The following SRRM4 variants were observed in gnomAD, a reference collection of about 807,000 sequenced individuals.
SRRM4 encodes serine/arginine repetitive matrix protein 4.
A neutral mutation model predicts 68.9 loss-of-function variants in SRRM4; 33 were observed. The observed-to-expected ratio is 0.48, with a 90% confidence interval of 0.36 to 0.64. The LOEUF (loss-of-function observed/expected upper bound fraction) is 0.64. Among genes scored for constraint, SRRM4 ranks in the 30% least tolerant of loss-of-function variants. The probability of loss-of-function intolerance (pLI) is 0.00; values close to 1 mark genes in which losing one functional copy is unlikely to be tolerated. For synonymous variants in SRRM4, 318 were observed against 318.8 expected, an observed-to-expected ratio of 1.00 and a Z score of 0.03; for missense variants, 817 against 827.1, an observed-to-expected ratio of 0.99 and a Z score of 0.15.
At chr12:119,111,487 G>A (rs1325292411) in intron 2 of SRRM4, among the ~76,000 whole-genome samples, 1 of 152,136 alleles carries the variant, frequency 6.6e-6, no homozygotes, top group African/African-American at 2.4e-5. Context: ...GGGACCCTGG[G>A]ATTCCAGAAG....
intron 1 of SRRM4, among the ~76,000 whole-genome samples, chr12:119,070,469 T>G (rs959053063): frequency 3.3e-5 from 5 of 152,122 alleles, no homozygotes; most frequent in African/African-American, 1.2e-4. Flanking sequence ...TTTCAGCTTT[T>G]GCCTTGAGGA....
intron 1 of SRRM4, among the ~76,000 whole-genome samples, chr12:119,030,032 C>T (rs377734193): frequency 4.6e-5 from 7 of 152,186 alleles, no homozygotes; most frequent in Non-Finnish European, 2.9e-5. Context: ...AGCTGGGGAA[C>T]GTTTCAGCTT....
chr12:118,991,764 T>G (rs888307275), intron 1 of SRRM4: 1 of 152,252 alleles, frequency 6.6e-6, no homozygotes, highest in East Asian at 1.9e-4. Flanking sequence ...GGACTATGCC[T>G]GTCTCATTCT....
chr12:119,136,327 C>T (rs1337295891), intron 8 of SRRM4, among the ~76,000 whole-genome samples: 1 of 152,200 alleles, frequency 6.6e-6, no homozygotes, highest in Admixed American at 6.5e-5. Context: ...CTTGCACATT[C>T]TGCAAAGCCT....
intron 1 of SRRM4, among the ~76,000 whole-genome samples, chr12:119,056,761 T>G (rs770982049): frequency 6.6e-6 from 1 of 152,150 alleles, no homozygotes; most frequent in Non-Finnish European, 1.5e-5. Context: ...TCCCAGTTGC[T>G]CAACACTTCT....
chr12:119,037,589 G>T (rs1280083240), intron 1 of SRRM4, among the ~76,000 whole-genome samples: 1 of 152,216 alleles, frequency 6.6e-6, no homozygotes, highest in Non-Finnish European at 1.5e-5. Context: ...TTGTGGGTCA[G>T]CATGGCTGAT....
At chr12:119,061,956 C>T (rs1038967761) in intron 1 of SRRM4, among the ~76,000 whole-genome samples, 10 of 152,248 alleles carry the variant, frequency 6.6e-5, no homozygotes, top group Admixed American at 6.5e-5. Flanking sequence ...TGCAGTCATG[C>T]GTCACTTATA....
chr12:119,090,308 G>A (rs1177070171), intron 1 of SRRM4, among the ~76,000 whole-genome samples: 1 of 152,182 alleles, frequency 6.6e-6, no homozygotes, highest in Non-Finnish European at 1.5e-5. Flanking sequence ...GAAAGCCTGA[G>A]ATAGAGGTCT....
At chr12:119,049,065 C>A (rs1193905699) in intron 1 of SRRM4, among the ~76,000 whole-genome samples, 1 of 152,182 alleles carries the variant, frequency 6.6e-6, no homozygotes, top group Non-Finnish European at 1.5e-5. Flanking sequence ...AAAGCCTTTG[C>A]CCTTACGAAG....
intron 1 of SRRM4, among the ~76,000 whole-genome samples, chr12:119,061,786 G>A (rs1245997680): frequency 6.6e-6 from 1 of 151,880 alleles, no homozygotes; most frequent in South Asian, 2.1e-4. Context: ...TTGGGTTACT[G>A]CTCTGTGCAT....
chr12:119,118,477 C>T (rs1954195438), intron 4 of SRRM4, among the ~76,000 whole-genome samples: 1 of 152,216 alleles, frequency 6.6e-6, no homozygotes, highest in African/African-American at 2.4e-5. Flanking sequence ...AGAGTGGCCT[C>T]AAACTCAGTT....
intron 2 of SRRM4, 59 bp from the exon 3 acceptor site, chr12:119,114,219 C>G (rs905537794): frequency 6.7e-7 from 1 of 1,484,630 alleles, no homozygotes; most frequent in Non-Finnish European, 9.3e-7. Flanking sequence ...TGCACCAGCT[C>G]TGGTTGGGGA....
At chr12:119,123,477 G>A (rs1469327307) in intron 6 of SRRM4, among the ~76,000 whole-genome samples, 1 of 140,952 alleles carries the variant, frequency 7.1e-6, no homozygotes, top group East Asian at 2.1e-4. Context: ...TCAGGGGGTA[G>A]GCCCAGACCT....
At chr12:119,052,462 A>G (rs1379285495) in intron 1 of SRRM4, among the ~76,000 whole-genome samples, 1 of 152,174 alleles carries the variant, frequency 6.6e-6, no homozygotes, top group Non-Finnish European at 1.5e-5. Context: ...CCAACCAAGT[A>G]CTGGCATAGA....
At chr12:119,006,633 G>A (rs1004617819) in intron 1 of SRRM4, among the ~76,000 whole-genome samples, 5 of 152,202 alleles carry the variant, frequency 3.3e-5, no homozygotes, top group East Asian at 1.9e-4. Flanking sequence ...ATCAGGACAC[G>A]GAGGATTGCT....
At chr12:119,013,709 G>A (rs1157801947) in intron 1 of SRRM4, among the ~76,000 whole-genome samples, 1 of 151,922 alleles carries the variant, frequency 6.6e-6, no homozygotes, top group Admixed American at 6.6e-5. Context: ...TGATTGTATA[G>A]ATGTATCATT....
intron 2 of SRRM4, among the ~76,000 whole-genome samples, chr12:119,104,781 T>G (rs555170462): frequency 6.6e-6 from 1 of 151,932 alleles, no homozygotes; most frequent in African/African-American, 2.4e-5. Context: ...ATGTAACCAC[T>G]GTGTTGGAAC....
rs536552381 is a variant in SRRM4, at chr12:119,144,807, A to G, written c.772-574A>G. On this transcript the variant is annotated intron_variant, in intron 8 of 12. Coordinates refer to ENST00000267260, the MANE Select transcript of SRRM4 (RefSeq NM_194286.4). ...TTAAAAAAACAAAAAACAAACTCTC[A>G]TCTTTATTTCATTTCTTTTCCCCAT... 2.6e-5 allele frequency among the ~76,000 whole-genome samples: 4 copies of G among 152,152 alleles called. 1 individual carries two copies. Among genetic ancestry groups the G allele is most frequent in the African/African-American group, 7.2e-5 (3 of 41,512 alleles).
chr12:119,125,555 G>A (rs1954253154), intron 7 of SRRM4, 76 bp downstream of exon 7: 11 of 1,291,930 alleles, frequency 8.5e-6, no homozygotes, highest in South Asian at 5.1e-5. Flanking sequence ...CACTAGCTTC[G>A]CCTCCACACT....
Sources: allele counts gnomAD v4.1 joint callset (sites outside exome capture counted in the v4.1 genomes callset), GRCh38; gene constraint gnomAD v4.1.1; transcripts MANE v1.5; gene names NCBI Gene and HGNC (gene_info 2026-07-23, HGNC 2026-07-21).